VPS53: variants seen among roughly 807,000 people sequenced by gnomAD.
The protein encoded by VPS53 is vacuolar protein sorting-associated protein 53 homolog.
A neutral mutation model predicts 107.0 loss-of-function variants in VPS53; 70 were observed. The ratio of observed to expected loss-of-function variants is 0.65; its 90% CI spans 0.54 to 0.80. The LOEUF (loss-of-function observed/expected upper bound fraction) is 0.80, where lower values mean the gene tolerates loss of function less well. Among genes scored for constraint, VPS53 ranks in the 30% least tolerant of loss-of-function variants. The probability of loss-of-function intolerance (pLI) is 0.00; values close to 1 mark genes in which losing one functional copy is unlikely to be tolerated. For synonymous variants in VPS53, 409 were observed against 393.3 expected, an observed-to-expected ratio of 1.04 and a Z score of -0.47; for missense variants, 917 against 1,049.4, an observed-to-expected ratio of 0.87 and a Z score of 1.74.
intron 8 of VPS53, among the ~76,000 whole-genome samples, chr17:630,297 AAAC>A (rs1210897564): frequency 2.0e-5 from 3 of 149,260 alleles, no homozygotes; most frequent in African/African-American, 5.2e-5. Flanking sequence ...GTCAAAAAAA[AAAC>A]AAACAAACAA....
intron 13 of VPS53, among the ~76,000 whole-genome samples, chr17:576,270 G>A (rs977288236): frequency 4.6e-5 from 7 of 150,948 alleles, no homozygotes; most frequent in African/African-American, 7.3e-5. Context: ...AACCTAATGC[G>A]TTCTCAGATA....
intron 7 of VPS53, among the ~76,000 whole-genome samples, chr17:648,532 T>G (rs750757272): frequency 6.6e-6 from 1 of 152,174 alleles, no homozygotes; most frequent in African/African-American, 2.4e-5. Context: ...GCCTGGGCGA[T>G]GGAGTGAGAC....
Position 586,343 on chromosome 17 carries a change from C to T in VPS53, c.1240G>A (p.Asp414Asn). 6.2e-7 allele frequency: 1 copy of T among 1,614,086 alleles called. No individual in the cohort carries two copies. The highest frequency in any genetic ancestry group is 1.3e-5 in the African/African-American group (1 of 75,046). ...LDQPKKPKAP[D>N]NPFHGIVSKC... Reference sequence around the variant, plus strand: ...GAAACAATGCCATGAAATGGATTGTCTGGGGCTTTAGGCTTCTTTGGCTGT... The same window carrying T: ...GAAACAATGCCATGAAATGGATTGTTTGGGGCTTTAGGCTTCTTTGGCTGT... Residue 414 changes from aspartate (D) to asparagine (N), a missense_variant, in exon 13 of 22, where the codon GAC becomes AAC. Transcript: ENST00000437048.
chr17:658,857 C>T (rs1971326400), intron 5 of VPS53, among the ~76,000 whole-genome samples: 1 of 152,134 alleles, frequency 6.6e-6, no homozygotes, highest in African/African-American at 2.4e-5. Flanking sequence ...GTGCCCTGCT[C>T]TTTCAGGGTC....
intron 15 of VPS53, among the ~76,000 whole-genome samples, chr17:557,855 CTTTTTTTT>C: frequency 8.0e-6 from 1 of 125,602 alleles, no homozygotes; most frequent in South Asian, 2.5e-4. Flanking sequence ...TAAGGATTAT[CTTTTTTTT>C]TTTTTTTTTT....
chr17:614,130 C>A (rs1246634295), intron 11 of VPS53, among the ~76,000 whole-genome samples: 1 of 152,186 alleles, frequency 6.6e-6, no homozygotes, highest in African/African-American at 2.4e-5. Flanking sequence ...ACTTGAAAGT[C>A]CTGCCTGCTA....
rs965384802 is a variant in VPS53 at position 562,461 on chromosome 17, G to C, written c.1556+42C>G. 3 of 1,606,482 alleles carry C rather than the reference G, an allele frequency of 1.9e-6. No homozygotes were observed. In the African/African-American group the frequency reaches 4.0e-5, roughly 22 times the overall value. ...GATTTCCTTAAGATTCCCATATTTAGGTCTATTTGCCACCACTCAGACTAT... is the reference window on the plus strand; with the variant it reads ...GATTTCCTTAAGATTCCCATATTTACGTCTATTTGCCACCACTCAGACTAT... On this transcript the variant is annotated intron_variant, in intron 14 of 21. Transcript: ENST00000437048.
chr17:602,797 G>C (rs1968386837), intron 11 of VPS53, among the ~76,000 whole-genome samples: 1 of 152,208 alleles, frequency 6.6e-6, no homozygotes, highest in Non-Finnish European at 1.5e-5. Flanking sequence ...ACAGAATCAA[G>C]GCAGCTCTCT....
At chr17:662,464 C>T (rs575085840) in intron 4 of VPS53, among the ~76,000 whole-genome samples, 6 of 152,082 alleles carry the variant, frequency 3.9e-5, no homozygotes, top group Admixed American at 1.3e-4. Context: ...CCAAGGCGGG[C>T]AGATCACGAG....
intron 13 of VPS53, 89 bp from the exon 14 acceptor site, chr17:562,834 C>T: frequency 1.4e-6 from 2 of 1,417,520 alleles, no homozygotes; most frequent in Non-Finnish European, 1.9e-6. Context: ...TAAACTACTG[C>T]CACAAGTAAT....
At chr17:676,109 AGGAGACCCT>A (rs1357795422) in intron 4 of VPS53, 3 of 152,236 alleles carry the variant, frequency 2.0e-5, no homozygotes, top group Non-Finnish European at 2.9e-5. Flanking sequence ...CTCCTTCCAG[AGGAGACCCT>A]GGAGTCCAAA....
chr17:552,108 T>C (rs1940721987), intron 16 of VPS53, among the ~76,000 whole-genome samples, 158 bp from the exon 17 acceptor site: 1 of 152,226 alleles, frequency 6.6e-6, no homozygotes, highest in Non-Finnish European at 1.5e-5. Context: ...TCTTTCTTCA[T>C]GTCCTGGTTT....
At chr17:554,529 G>A (rs750831145) in intron 15 of VPS53, among the ~76,000 whole-genome samples, 10 of 152,130 alleles carry the variant, frequency 6.6e-5, no homozygotes, top group East Asian at 1.9e-4. Context: ...TCAGCCTCCC[G>A]AGTAGCTGGG....
intron 7 of VPS53, among the ~76,000 whole-genome samples, chr17:650,496 CA>C (rs71145759): frequency 6.6e-6 from 1 of 151,508 alleles, no homozygotes; most frequent in South Asian, 2.1e-4. Context: ...GACTCCGTCT[CA>C]AAAAAACAAA....
chr17:620,001 G>A (rs1327996023), intron 11 of VPS53, among the ~76,000 whole-genome samples: 2 of 152,092 alleles, frequency 1.3e-5, no homozygotes, highest in African/African-American at 4.8e-5. Context: ...TTCCTTTTCT[G>A]ACCTGCATTT....
chr17:553,961 G>C (rs1364017984), intron 15 of VPS53, among the ~76,000 whole-genome samples: 1 of 152,168 alleles, frequency 6.6e-6, no homozygotes, highest in South Asian at 2.1e-4. Context: ...AGATAGAAGT[G>C]GTAGGGCCAG....
intron 17 of VPS53, among the ~76,000 whole-genome samples, chr17:551,085 C>CTGAT (rs1555550698): frequency 4.6e-5 from 7 of 151,854 alleles, no homozygotes; most frequent in African/African-American, 1.7e-4. Flanking sequence ...AAGGACATGG[C>CTGAT]TGATTGGTTT....
rs899731843 is a variant in VPS53, at chr17:704,960, G to C, written c.168+5573C>G. Among the ~76,000 whole-genome samples the C allele has an allele frequency of 2.6e-5, 4 of 151,958 alleles. No individual in the cohort carries two copies. In the East Asian group the frequency reaches 7.7e-4, roughly 29 times the overall value. On this transcript the variant is annotated intron_variant, in intron 2 of 21. Coordinates refer to ENST00000437048, the MANE Select transcript of VPS53 (RefSeq NM_001128159.3). ...TCATACAAAATGATGAGCTATAAAG[G>C]CTTTTCGTGAAATCTCAAAAAAGAC...
chr17:658,281 G>T (rs74189171), intron 5 of VPS53, among the ~76,000 whole-genome samples: 2 of 114,816 alleles, frequency 1.7e-5, no homozygotes, highest in South Asian at 3.2e-4. Flanking sequence ...TGAGAAACTC[G>T]GCCGTGAGTT....
Sources: gnomAD v4.1 joint callset for allele counts (sites outside exome capture counted in the v4.1 genomes callset) on GRCh38, gnomAD v4.1.1 for gene constraint, MANE v1.5 for transcripts, NCBI Gene and HGNC (gene_info 2026-07-23, HGNC 2026-07-21) for gene names.